Variants in KIRREL3 observed in about 807,000 individuals in gnomAD.
KIRREL3 encodes kirre like nephrin family adhesion molecule 3.
Under a neutral mutation model 89.7 loss-of-function variants are expected in KIRREL3, and 36 were observed. That is an observed-to-expected ratio of 0.40 (90% CI 0.31 to 0.53). The LOEUF (loss-of-function observed/expected upper bound fraction) is 0.53, where lower values mean the gene tolerates loss of function less well. Ranked by LOEUF, KIRREL3 falls within the 20% of genes least tolerant of loss-of-function variation. The pLI, the probability that KIRREL3 is intolerant of heterozygous loss-of-function variation, is 0.49. For synonymous variants in KIRREL3, 445 were observed against 441.4 expected (o/e 1.01, Z -0.10); for missense variants, 864 against 1,056.6 (o/e 0.82, Z 2.53).
At chr11:126,967,457 C>T (rs1441590215) in intron 1 of KIRREL3, among the ~76,000 whole-genome samples, 1 of 152,120 alleles carries the variant, frequency 6.6e-6, no homozygotes, top group African/African-American at 2.4e-5. Context: ...ACTTCAGGAG[C>T]TGCCTTGCAA....
At position 126,553,140 on chromosome 11, in the gene KIRREL3, T is replaced by C. The variant is rs1279445508; in HGVS notation, c.133+9695A>G. 6.6e-6 allele frequency among the ~76,000 whole-genome samples: 1 copy of C among 152,238 alleles called. No homozygotes were observed. The highest frequency in any genetic ancestry group is 1.9e-4 in the East Asian group (1 of 5,188). On this transcript the variant is annotated intron_variant, in intron 2 of 16. Transcript: ENST00000525144. This position sits in a 1 kb window ranked among gnomAD's most constrained non-coding sequence, Gnocchi z 4.7. ...ATATTTCAATAGCCTGTTGTATTTC[T>C]CTATCAAATTCTTACTCTAAGGAGA...
chr11:126,473,386 C>T lies in KIRREL3; in HGVS notation c.514G>A (p.Ala172Thr), dbSNP rs759165469. The T allele has an allele frequency of 6.9e-6, 11 of 1,584,046 alleles. No homozygotes were observed. The highest frequency in any genetic ancestry group is 1.1e-5 in the South Asian group (1 of 86,986). Residue 172 changes from alanine to threonine, a missense_variant, in exon 5 of 17, where the codon GCA (alanine) becomes ACA (threonine). Transcript: ENST00000525144. ...GAGGCTGCAGGCTTGGCATTGTCTG[C>T]GTGGCAGGTGAGGTTGAGAGGGTCC... ...AGDPLNLTCHADNAKPAASII... is the reference protein window; with the variant it reads ...AGDPLNLTCHTDNAKPAASII...
At chr11:126,458,274 T>C (rs1331274164) in intron 6 of KIRREL3, among the ~76,000 whole-genome samples, 1 of 152,160 alleles carries the variant, frequency 6.6e-6, no homozygotes, top group Non-Finnish European at 1.5e-5. Flanking sequence ...AGAAACCAGT[T>C]TCTCAGAGGC....
At chr11:126,829,637 T>C (rs1040513616) in intron 1 of KIRREL3, among the ~76,000 whole-genome samples, 1 of 152,162 alleles carries the variant, frequency 6.6e-6, no homozygotes. Flanking sequence ...TACATTGTCA[T>C]TCATCAAGAA....
intron 1 of KIRREL3, among the ~76,000 whole-genome samples, chr11:126,787,060 T>C (rs1950508086): frequency 6.6e-6 from 1 of 152,212 alleles, no homozygotes; most frequent in Non-Finnish European, 1.5e-5. Flanking sequence ...GGCTTTTGCC[T>C]GCATTAATGG....
rs1355471329 is a variant in KIRREL3, at chr11:126,476,800, G to A, written c.434-3334C>T. On this transcript the variant is annotated intron_variant, in intron 4 of 16. Coordinates refer to ENST00000525144, the MANE Select transcript of KIRREL3 (RefSeq NM_032531.4). This position sits in a 1 kb window ranked among gnomAD's most constrained non-coding sequence, Gnocchi z 6.4. Reference sequence around the variant, plus strand: ...TTACCTCCCCATTCAGACTCGGCCAGGCTGGGCCAGGCAGTGGCGAGGGGA... The same window carrying A: ...TTACCTCCCCATTCAGACTCGGCCAAGCTGGGCCAGGCAGTGGCGAGGGGA... Among the ~76,000 whole-genome samples the A allele has an allele frequency of 6.6e-6, 1 of 152,208 alleles. No individual in the cohort carries two copies. The highest frequency in any genetic ancestry group is 2.4e-5 in the African/African-American group (1 of 41,460).
rs993143876 is a variant in KIRREL3, at chr11:126,557,062, G to A, written c.133+5773C>T. Among the ~76,000 whole-genome samples the A allele has an allele frequency of 2.6e-5, 4 of 152,138 alleles. No individual in the cohort carries two copies. The highest frequency in any genetic ancestry group is 3.9e-4 in the East Asian group (2 of 5,188). On this transcript the variant is annotated intron_variant, in intron 2 of 16. Coordinates refer to ENST00000525144, the MANE Select transcript of KIRREL3 (RefSeq NM_032531.4). The surrounding 1 kb of genome is among the most constrained non-coding windows in gnomAD (Gnocchi z 5.6). The stretch of plus-strand genomic sequence containing the variant: ...CAGGAAAATGACTGTGGCCCTTAGC[G>A]CGAGCCAGACTGTACGGCTGCAACA...
At chr11:126,497,829 G>A (rs1045367172) in intron 4 of KIRREL3, among the ~76,000 whole-genome samples, 3 of 152,158 alleles carry the variant, frequency 2.0e-5, no homozygotes, top group Non-Finnish European at 2.9e-5. Flanking sequence ...TGGGAGTTTA[G>A]TGTAGCTCCT....
intron 1 of KIRREL3, among the ~76,000 whole-genome samples, chr11:126,888,936 C>T (rs1565386563): frequency 6.6e-6 from 1 of 152,220 alleles, no homozygotes; most frequent in Admixed American, 6.5e-5. Context: ...AAGGCCTTAT[C>T]ATTCCCATTT....
rs542350838 is a variant in KIRREL3, at chr11:126,491,849, G to A, written c.434-18383C>T. ...CCTGAGTAGCTGGGACTACAGGCGC[G>A]CACCACCATGCCTGGCTAATTTTTG... On this transcript the variant is annotated intron_variant, in intron 4 of 16. Coordinates refer to ENST00000525144, the MANE Select transcript of KIRREL3 (RefSeq NM_032531.4). This position sits in a 1 kb window ranked among gnomAD's most constrained non-coding sequence, Gnocchi z 5.5. 1.3e-4 allele frequency among the ~76,000 whole-genome samples: 20 copies of A among 151,860 alleles called. No homozygotes were observed. Among genetic ancestry groups the A allele is most frequent in the Non-Finnish European group, 2.6e-4 (18 of 67,990 alleles).
At position 126,424,937 on chromosome 11, in the gene KIRREL3, G is replaced by C. The variant is rs1031774714; in HGVS notation, c.1980C>G (p.Asp660Glu). ...CACGCTGCTTGCCCGCAGGACGCAG[G>C]TCGGGCTGGCAGCTGGAGAGGGAGA... ...PTISLSSCQP[D>E]LRPAGKQRVP... The change falls in exon 17 of 17, where the codon GAC (aspartate) becomes GAG (glutamate). Residue 660 changes from aspartate to glutamate, a missense_variant. Physicochemically the swap from Asp to Glu is conservative, Grantham distance 45. Transcript: ENST00000525144. 6 of 1,600,324 alleles carry C rather than the reference G, an allele frequency of 3.7e-6. No homozygotes were observed. The highest frequency in any genetic ancestry group is 1.7e-5 in the Admixed American group (1 of 59,400).
chr11:126,951,921 T>G (rs1012641627), intron 1 of KIRREL3, among the ~76,000 whole-genome samples: 5 of 151,984 alleles, frequency 3.3e-5, no homozygotes, highest in Non-Finnish European at 7.4e-5. Context: ...AAAGAAGCAA[T>G]TGACCAAGGG....
Position 126,553,795 on chromosome 11 carries a change from C to A in KIRREL3, c.133+9040G>T, listed in dbSNP as rs1939474394. Among the ~76,000 whole-genome samples the A allele has an allele frequency of 6.6e-6, 1 of 152,164 alleles. No individual in the cohort carries two copies. Among genetic ancestry groups the A allele is most frequent in the African/African-American group, 2.4e-5 (1 of 41,448 alleles). Reference sequence around the variant, plus strand: ...ACTCGGCCAGGCCATTGGTCACTGCCCATGATTCAGTAAAACCTAAACACA... The same window carrying A: ...ACTCGGCCAGGCCATTGGTCACTGCACATGATTCAGTAAAACCTAAACACA... On this transcript the variant is annotated intron_variant, in intron 2 of 16. Transcript: ENST00000525144. This position sits in a 1 kb window ranked among gnomAD's most constrained non-coding sequence, Gnocchi z 4.7.
rs1479791992 is a variant in KIRREL3 at position 126,830,769 on chromosome 11, T to A, written c.55+169686A>T. Among the ~76,000 whole-genome samples the A allele has an allele frequency of 6.6e-6, 1 of 152,200 alleles. No individual in the cohort carries two copies. The highest frequency in any genetic ancestry group is 1.5e-5 in the Non-Finnish European group (1 of 68,028). ...ATTTCTTCTCAAATAGTGCACTCCC[T>A]GTGCCAAGGAGGGGTATCATTGTTT... On this transcript the variant is annotated intron_variant, in intron 1 of 16. Coordinates refer to ENST00000525144, the MANE Select transcript of KIRREL3 (RefSeq NM_032531.4). This position sits in a 1 kb window ranked among gnomAD's most constrained non-coding sequence, Gnocchi z 4.9.
Position 126,553,194 on chromosome 11 carries a change from G to T in KIRREL3, c.133+9641C>A, listed in dbSNP as rs905086627. Among the ~76,000 whole-genome samples the T allele has an allele frequency of 6.6e-6, 1 of 152,186 alleles. No homozygotes were observed. Among genetic ancestry groups the T allele is most frequent in the Non-Finnish European group, 1.5e-5 (1 of 68,040 alleles). ...CTCTGACCATTGCTGGACATTATGGGCTTACAGTGTGTCCCTTGGTCTGAA... is the reference window on the plus strand; with the variant it reads ...CTCTGACCATTGCTGGACATTATGGTCTTACAGTGTGTCCCTTGGTCTGAA... On this transcript the variant is annotated intron_variant, in intron 2 of 16. Coordinates refer to ENST00000525144, the MANE Select transcript of KIRREL3 (RefSeq NM_032531.4). This position sits in a 1 kb window ranked among gnomAD's most constrained non-coding sequence, Gnocchi z 4.7.
chr11:126,576,268 A>G lies in KIRREL3; in HGVS notation c.56-13356T>C, dbSNP rs943135516. 6.6e-6 allele frequency among the ~76,000 whole-genome samples: 1 copy of G among 152,234 alleles called. No homozygotes were observed. Among genetic ancestry groups the G allele is most frequent in the South Asian group, 2.1e-4 (1 of 4,836 alleles). ...CATTTGTCCTTCCTTTTACAGAACT[A>G]TAAGTCAGCCTCAGGTATGGGTCAG... On this transcript the variant is annotated intron_variant, in intron 1 of 16. Transcript: ENST00000525144. The surrounding 1 kb of genome is among the most constrained non-coding windows in gnomAD (Gnocchi z 5.4).
intron 1 of KIRREL3, among the ~76,000 whole-genome samples, chr11:126,758,342 T>C (rs1443790139): frequency 5.3e-5 from 8 of 152,258 alleles, no homozygotes; most frequent in African/African-American, 1.9e-4. Flanking sequence ...CATTCTATTT[T>C]TGTTCTGCAT....
chr11:126,818,455 C>G (rs1049623208), intron 1 of KIRREL3, among the ~76,000 whole-genome samples: 1 of 152,166 alleles, frequency 6.6e-6, no homozygotes, highest in African/African-American at 2.4e-5. Context: ...CTCTCTGAGC[C>G]TATTTCCTCA....
intron 1 of KIRREL3, among the ~76,000 whole-genome samples, chr11:126,855,651 C>G (rs1944481909): frequency 6.6e-6 from 1 of 152,248 alleles, no homozygotes; most frequent in Non-Finnish European, 1.5e-5. Context: ...AGGTGAGGCT[C>G]TGGCAGCCAG....
Sources: allele counts gnomAD v4.1 joint callset (sites outside exome capture counted in the v4.1 genomes callset), GRCh38; gene constraint gnomAD v4.1.1; non-coding constraint Gnocchi (gnomAD v3.1); transcripts MANE v1.5; gene names NCBI Gene and HGNC (gene_info 2026-07-23, HGNC 2026-07-21).